Variants in RXFP2 observed in about 807,000 individuals in gnomAD.
RXFP2 encodes relaxin receptor 2.
A neutral mutation model predicts 88.6 loss-of-function variants in RXFP2; 68 were observed. The ratio of observed to expected loss-of-function variants is 0.77; its 90% confidence interval spans 0.63 to 0.94. RXFP2 has a LOEUF of 0.94. Among genes scored for constraint, RXFP2 ranks in the 40% least tolerant of loss-of-function variants. RXFP2 has a pLI of 0.00. For missense variants in RXFP2, 791 were observed against 893.9 expected, an observed-to-expected ratio of 0.88 and a Z score of 1.47; for synonymous variants, 329 against 306.8, an observed-to-expected ratio of 1.07 and a Z score of -0.76.
intron 1 of RXFP2, among the ~76,000 whole-genome samples, chr13:31,744,755 A>C (rs1246524782): frequency 6.6e-6 from 1 of 151,284 alleles, no homozygotes; most frequent in East Asian, 1.9e-4. Flanking sequence ...TATTTGGATC[A>C]TTCCAACTGC....
At chr13:31,790,372 T>C (rs1356157728) in intron 14 of RXFP2, among the ~76,000 whole-genome samples, 1 of 152,172 alleles carries the variant, frequency 6.6e-6, no homozygotes, top group African/African-American at 2.4e-5. Flanking sequence ...TGCCAGGGAC[T>C]CCAGGGAAGG....
At chr13:31,775,882 G>C (rs1872923469) in intron 7 of RXFP2, among the ~76,000 whole-genome samples, 1 of 152,208 alleles carries the variant, frequency 6.6e-6, no homozygotes, top group Non-Finnish European at 1.5e-5. Flanking sequence ...GCTTTCACCA[G>C]GAAAATACAC....
intron 17 of RXFP2, 96 bp downstream of exon 17, chr13:31,797,515 C>T (rs1356644945): frequency 2.3e-6 from 2 of 874,084 alleles, no homozygotes; most frequent in African/African-American, 1.7e-5. Context: ...ATAAATTATT[C>T]ATAAAAACCA....
In RXFP2 at chr13:31,802,625, C is replaced by T; in HGVS notation, c.*220C>T. On this transcript the variant is annotated 3_prime_UTR_variant, in exon 18 of 18. Transcript: ENST00000298386. ...AGGTTCCTCTCCTCACCCCACATGCCTGAAAAGCACATGTGAATTCGTGTA... is the reference window on the plus strand; with the variant it reads ...AGGTTCCTCTCCTCACCCCACATGCTTGAAAAGCACATGTGAATTCGTGTA... 1.8e-6 allele frequency: 1 copy of T among 564,752 alleles called. No individual in the cohort carries two copies. The highest frequency in any genetic ancestry group is 3.2e-6 in the Non-Finnish European group (1 of 314,770). The allele number at this position is 564,752 out of a possible 1,614,324, so 35.0% of individuals were successfully genotyped here.
chr13:31,787,635 T>G (rs1873605415), intron 13 of RXFP2, among the ~76,000 whole-genome samples: 2 of 152,174 alleles, frequency 1.3e-5, no homozygotes, highest in Admixed American at 6.5e-5. Flanking sequence ...GTGTTTTTCT[T>G]TCTTTCTTTC....
Position 31,782,699 on chromosome 13 carries a change from G to C in RXFP2, c.881G>C (p.Gly294Ala), listed in dbSNP as rs1386900421. The change falls in exon 11 of 18, where the codon GGT (glycine) becomes GCT (alanine). Residue 294 changes from glycine (G) to alanine (A), a missense_variant. Gly to Ala is a moderately conservative substitution (Grantham distance 60, BLOSUM62 0). Coordinates refer to ENST00000298386, the MANE Select transcript of RXFP2 (RefSeq NM_130806.5). ...AGGTTTCTGCCTAGAAATCAAATTGGTTTTGTTCCAGAGAAGACATTTTCT... is the reference window on the plus strand; with the variant it reads ...AGGTTTCTGCCTAGAAATCAAATTGCTTTTGTTCCAGAGAAGACATTTTCT... ...TVLFLPRNQI[G>A]FVPEKTFSSL... The C allele has an allele frequency of 1.9e-6, 3 of 1,612,224 alleles. No homozygotes were observed. Among genetic ancestry groups the C allele is most frequent in the Non-Finnish European group, 2.5e-6 (3 of 1,178,296 alleles).
intron 3 of RXFP2, among the ~76,000 whole-genome samples, chr13:31,762,720 A>G (rs1872359275): frequency 6.6e-6 from 1 of 152,202 alleles, no homozygotes; most frequent in Non-Finnish European, 1.5e-5. Flanking sequence ...TATAATTACC[A>G]CTTATATATT....
chr13:31,747,622 A>G (rs1342132216), intron 1 of RXFP2, among the ~76,000 whole-genome samples: 2 of 152,234 alleles, frequency 1.3e-5, no homozygotes, highest in Non-Finnish European at 2.9e-5. Flanking sequence ...TCAGACAACA[A>G]TTTTTGAGGC....
chr13:31,782,850 G>A lies in RXFP2; in HGVS notation c.929+103G>A, dbSNP rs770036784. 9 of 741,170 alleles carry A rather than the reference G, an allele frequency of 1.2e-5. No homozygotes were observed. The African/African-American group carries it at 1.4e-4, about 11-fold the overall frequency. The allele number at this position is 741,170 out of a possible 1,614,324, so 45.9% of individuals were successfully genotyped here. ...TGCCACTAGTAGCAATCAAAATCCT[G>A]TAGACTATTGGATATTAAAAATCAA... On this transcript the variant is annotated intron_variant, in intron 11 of 17. Coordinates refer to ENST00000298386, the MANE Select transcript of RXFP2 (RefSeq NM_130806.5).
chr13:31,778,554 G>A lies in RXFP2; in HGVS notation c.756G>A (p.Met252Ile), dbSNP rs1295197931. 2.5e-6 allele frequency: 4 copies of A among 1,612,020 alleles called. No homozygotes were observed. Among genetic ancestry groups the A allele is most frequent in the Admixed American group, 1.7e-5 (1 of 59,996 alleles). ...ACTTAGAAGCTCTTCCCAAGCAGAT[G>A]TGTGCCCAAATGCCTCAACTCAACT... Reference protein sequence around the residue: ...NNYLEALPKQMCAQMPQLNWV... With the variant: ...NNYLEALPKQICAQMPQLNWV... Residue 252 changes from methionine to isoleucine, a missense_variant, in exon 9 of 18, where the codon ATG becomes ATA. By Grantham distance (10) the Met-to-Ile change is conservative. Transcript: ENST00000298386.
At chr13:31,795,982 C>T (rs1188087871) in intron 16 of RXFP2, among the ~76,000 whole-genome samples, 1 of 141,222 alleles carries the variant, frequency 7.1e-6, no homozygotes, top group Non-Finnish European at 1.5e-5. Context: ...GTTTAATTTA[C>T]TGTAAGAAAC....
At position 31,786,629 on chromosome 13, in the gene RXFP2, T is replaced by C. The variant is rs773574686; in HGVS notation, c.1065T>C (p.Leu355=). The change falls in exon 13 of 18, where the codon CTT becomes CTC. Residue 355 remains leucine, a synonymous_variant. Transcript: ENST00000298386. ...HKNQFESLKQ[L]QSLDLERIEI... Reference sequence around the variant, plus strand: ...ACCAGTTTGAAAGTCTTAAACAACTTCAGTCTCTGTAAGTGAAATATTACA... The same window carrying C: ...ACCAGTTTGAAAGTCTTAAACAACTCCAGTCTCTGTAAGTGAAATATTACA... 11 of 1,563,668 alleles carry C rather than the reference T, an allele frequency of 7.0e-6. No individual in the cohort carries two copies. In the East Asian group the frequency reaches 2.2e-4, roughly 32 times the overall value.
Position 31,785,257 on chromosome 13 carries a change from A to G in RXFP2, c.930-1126A>G, listed in dbSNP as rs1365007565. The stretch of plus-strand genomic sequence containing the variant: ...AAAACTACTGCCTTGAAGTGCACGC[A>G]TGGCTTTCCCATTTTGTCTCCACGC... On this transcript the variant is annotated intron_variant, in intron 11 of 17. Transcript: ENST00000298386. 2.0e-5 allele frequency among the ~76,000 whole-genome samples: 3 copies of G among 152,022 alleles called. No homozygotes were observed. In the East Asian group the frequency reaches 5.8e-4, roughly 29 times the overall value.
At chr13:31,750,686 T>C (rs948319904) in intron 1 of RXFP2, among the ~76,000 whole-genome samples, 1 of 152,160 alleles carries the variant, frequency 6.6e-6, no homozygotes, top group Non-Finnish European at 1.5e-5. Context: ...GTTGGATGTG[T>C]CAAATGCAGA....
chr13:31,773,714 T>C (rs1244190133), intron 5 of RXFP2, among the ~76,000 whole-genome samples: 1 of 152,096 alleles, frequency 6.6e-6, no homozygotes, highest in African/African-American at 2.4e-5. Flanking sequence ...AATCATGGTA[T>C]AACAAAATTC....
chr13:31,782,164 C>T (rs1357670078), intron 10 of RXFP2, among the ~76,000 whole-genome samples: 1 of 152,048 alleles, frequency 6.6e-6, no homozygotes. Context: ...AAAGGAAAAA[C>T]ATCTAATGCA....
intron 5 of RXFP2, among the ~76,000 whole-genome samples, chr13:31,769,075 C>T (rs556065773): frequency 1.3e-5 from 2 of 152,178 alleles, no homozygotes; most frequent in South Asian, 2.1e-4. Flanking sequence ...CTACAAGGTG[C>T]CAGGCACCAA....
At chr13:31,759,444 A>AGAAAGAAG (rs1566218658) in intron 2 of RXFP2, among the ~76,000 whole-genome samples, 5 of 113,824 alleles carry the variant, frequency 4.4e-5, no homozygotes, top group Admixed American at 1.7e-4. Context: ...AAAGAAAGAA[A>AGAAAGAAG]GATACTGTGA....
At chr13:31,760,291 A>G (rs933546433) in intron 2 of RXFP2, among the ~76,000 whole-genome samples, 9 of 152,042 alleles carry the variant, frequency 5.9e-5, no homozygotes, top group African/African-American at 2.2e-4. Flanking sequence ...GGGTTTCAAC[A>G]TGTTGGCCGG....
Sources: allele counts gnomAD v4.1 joint callset (sites outside exome capture counted in the v4.1 genomes callset), GRCh38; gene constraint gnomAD v4.1.1; transcripts MANE v1.5; gene names NCBI Gene and HGNC (gene_info 2026-07-23, HGNC 2026-07-21).